Variants in RPGRIP1L observed in about 807,000 individuals in gnomAD.
RPGRIP1L encodes RPGRIP1 like.
RPGRIP1L carries 131 observed loss-of-function variants against 160.4 expected under a neutral mutation model. The ratio of observed to expected loss-of-function variants is 0.82; its 90% CI spans 0.71 to 0.94. RPGRIP1L has a LOEUF of 0.94. Ranked by LOEUF, RPGRIP1L falls within the 40% of genes least tolerant of loss-of-function variation. The probability of loss-of-function intolerance (pLI) is 0.00; values close to 1 mark genes in which losing one functional copy is unlikely to be tolerated. For missense variants in RPGRIP1L, 1,522 were observed against 1,535.8 expected, an observed-to-expected ratio of 0.99 and a Z score of 0.15; for synonymous variants, 510 against 515.8, an observed-to-expected ratio of 0.99 and a Z score of 0.15.
intron 1 of RPGRIP1L, among the ~76,000 whole-genome samples, chr16:53,702,687 CTT>C (rs576871805): frequency 2.8e-4 from 39 of 141,528 alleles, no homozygotes; most frequent in Admixed American, 2.8e-4. Flanking sequence ...CTTTTCTTTT[CTT>C]TTTTTTTTTT....
intron 15 of RPGRIP1L, among the ~76,000 whole-genome samples, chr16:53,651,633 C>T (rs966272844): frequency 1.3e-5 from 2 of 152,152 alleles, no homozygotes; most frequent in African/African-American, 4.8e-5. Flanking sequence ...TCCCTGGATC[C>T]TGGCATGGAT....
intron 17 of RPGRIP1L, among the ~76,000 whole-genome samples, chr16:53,643,305 C>T (rs1311986308): frequency 7.9e-6 from 1 of 125,908 alleles, no homozygotes; most frequent in Non-Finnish European, 1.6e-5. Flanking sequence ...AAGACTCCAT[C>T]TAAAAAAAAA....
intron 24 of RPGRIP1L, among the ~76,000 whole-genome samples, chr16:53,612,821 T>G (rs1033625398): frequency 6.6e-6 from 1 of 152,216 alleles, no homozygotes; most frequent in Non-Finnish European, 1.5e-5. Context: ...ATCTACATAT[T>G]GTGGTACAAT....
At chr16:53,624,456 A>T (rs146266080) in intron 22 of RPGRIP1L, among the ~76,000 whole-genome samples, 1 of 151,998 alleles carries the variant, frequency 6.6e-6, no homozygotes, top group African/African-American at 2.4e-5. Flanking sequence ...AGGCAGAAGA[A>T]TCACTTGAAC....
At chr16:53,689,664 C>T (rs1211943307) in intron 4 of RPGRIP1L, among the ~76,000 whole-genome samples, 1 of 152,140 alleles carries the variant, frequency 6.6e-6, no homozygotes, top group African/African-American at 2.4e-5. Context: ...GGTTCTTAGC[C>T]AGCCATCCCA....
Position 53,629,695 on chromosome 16 carries a change from A to C in RPGRIP1L, c.3294+6744T>G, listed in dbSNP as rs1965397302. Among the ~76,000 whole-genome samples, 7 of 152,240 alleles carry C rather than the reference A, an allele frequency of 4.6e-5. No individual in the cohort carries two copies. The South Asian group carries it at 1.4e-3, about 32-fold the overall frequency. On this transcript the variant is annotated intron_variant, in intron 22 of 26. Coordinates refer to ENST00000647211, the MANE Select transcript of RPGRIP1L (RefSeq NM_015272.5). Reference sequence around the variant, plus strand: ...ATAAATTACCAAATGTCAAATATGAAAGTTCCTTGTTTCATTCTACCACCT... The same window carrying C: ...ATAAATTACCAAATGTCAAATATGACAGTTCCTTGTTTCATTCTACCACCT...
At chr16:53,638,432 C>G in intron 19 of RPGRIP1L, 21 bp from the exon 20 acceptor site, 1 of 1,221,004 alleles carries the variant, frequency 8.2e-7, no homozygotes, top group Non-Finnish European at 1.2e-6. Flanking sequence ...TGTGAAAACA[C>G]GCATGTATGT....
At chr16:53,654,595 C>T in intron 14 of RPGRIP1L, among the ~76,000 whole-genome samples, 1 of 152,128 alleles carries the variant, frequency 6.6e-6, no homozygotes, top group African/African-American at 2.4e-5. Context: ...TAAAACATAA[C>T]CATTTATTTA....
chr16:53,652,064 A>G (rs1341578850), intron 15 of RPGRIP1L, among the ~76,000 whole-genome samples: 1 of 151,750 alleles, frequency 6.6e-6, no homozygotes, highest in African/African-American at 2.4e-5. Flanking sequence ...CATTGTACTG[A>G]CATCATCAAT....
intron 6 of RPGRIP1L, among the ~76,000 whole-genome samples, chr16:53,681,446 C>T (rs916471518): frequency 4.6e-5 from 7 of 151,974 alleles, no homozygotes; most frequent in East Asian, 1.9e-4. Context: ...TAATTTAAGA[C>T]GGCCTTTTTA....
rs546980836 is a variant in RPGRIP1L at position 53,696,860 on chromosome 16, T to C, written c.86-565A>G. ...AAATTTTAAGAACGTTTATACTCTTTAGCATGTGTTTATGATTTCTTTTTA... is the reference window on the plus strand; with the variant it reads ...AAATTTTAAGAACGTTTATACTCTTCAGCATGTGTTTATGATTTCTTTTTA... On this transcript the variant is annotated intron_variant, in intron 2 of 26. Transcript: ENST00000647211. Among the ~76,000 whole-genome samples, 8 of 152,332 alleles carry C rather than the reference T, an allele frequency of 5.3e-5. No homozygotes were observed. The East Asian group carries it at 1.5e-3, about 29-fold the overall frequency.
chr16:53,645,924 G>A lies in RPGRIP1L; in HGVS notation c.2384C>T (p.Thr795Ile), dbSNP rs757738089. 1.2e-6 allele frequency: 2 copies of A among 1,613,986 alleles called. No homozygotes were observed. The highest frequency in any genetic ancestry group is 2.7e-5 in the African/African-American group (2 of 74,902). Residue 795 changes from threonine to isoleucine, a missense_variant, in exon 17 of 27, where the codon ACA becomes ATA. Coordinates refer to ENST00000647211, the MANE Select transcript of RPGRIP1L (RefSeq NM_015272.5). Reference sequence around the variant, plus strand: ...CTGCAGGTGGTTGCAACATCTTATTGTAATGTGAAGTTCATTTAAGTTGCC... The same window carrying A: ...CTGCAGGTGGTTGCAACATCTTATTATAATGTGAAGTTCATTTAAGTTGCC... ...TDGNLNELHITIRCCNHLQSR... is the reference protein window; with the variant it reads ...TDGNLNELHIIIRCCNHLQSR...
intron 15 of RPGRIP1L, among the ~76,000 whole-genome samples, chr16:53,651,517 C>G (rs1966853161): frequency 6.6e-6 from 1 of 152,162 alleles, no homozygotes; most frequent in Non-Finnish European, 1.5e-5. Flanking sequence ...TCACTTGAAT[C>G]CCCCCTTTGC....
chr16:53,623,586 T>C (rs1450704233), intron 22 of RPGRIP1L, among the ~76,000 whole-genome samples: 1 of 152,240 alleles, frequency 6.6e-6, no homozygotes, highest in Non-Finnish European at 1.5e-5. Flanking sequence ...ATTTATTGTG[T>C]GAAATCTTTT....
chr16:53,670,012 G>T (rs987877822), intron 9 of RPGRIP1L, among the ~76,000 whole-genome samples: 1 of 152,088 alleles, frequency 6.6e-6, no homozygotes, highest in Admixed American at 6.6e-5. Context: ...ATAGGGTACT[G>T]TGCAATTTGT....
chr16:53,627,604 C>T (rs1965264436), intron 22 of RPGRIP1L, among the ~76,000 whole-genome samples: 1 of 152,172 alleles, frequency 6.6e-6, no homozygotes, highest in South Asian at 2.1e-4. Flanking sequence ...TTGGTTGTAT[C>T]ATTCCCAAAC....
chr16:53,645,704 A>G lies in RPGRIP1L; in HGVS notation c.2604T>C (p.Asp868=), dbSNP rs1567829935. The part of the protein sequence containing the change: ...SESLSFYVFD[D]SDTQENIYIG... ...TGTAAATATTCTCCTGGGTATCACT[A>G]TCATCAAAAACATAAAAACTCAGAG... The change falls in exon 17 of 27, where the codon GAT becomes GAC. Residue 868 remains aspartate, a synonymous_variant. Coordinates refer to ENST00000647211, the MANE Select transcript of RPGRIP1L (RefSeq NM_015272.5). 6.2e-7 allele frequency: 1 copy of G among 1,614,090 alleles called. No homozygotes were observed. Among genetic ancestry groups the G allele is most frequent in the South Asian group, 1.1e-5 (1 of 91,072 alleles).
chr16:53,684,427 G>C (rs1969839410), intron 6 of RPGRIP1L, among the ~76,000 whole-genome samples: 1 of 152,142 alleles, frequency 6.6e-6, no homozygotes, highest in African/African-American at 2.4e-5. Flanking sequence ...AAAATGATGA[G>C]TTCATGTCCT....
In RPGRIP1L at chr16:53,606,415, A is replaced by T. The variant is rs940498755; in HGVS notation, c.3702-801T>A. On this transcript the variant is annotated intron_variant, in intron 25 of 26. Transcript: ENST00000647211. ...ATTTTAAACTTTTCAAAATGTATCC[A>T]TCCCAAATCAGAAACAAAACAAGAA... Among the ~76,000 whole-genome samples, 9 of 152,334 alleles carry T rather than the reference A, an allele frequency of 5.9e-5. No individual in the cohort carries two copies. In the South Asian group the frequency reaches 1.7e-3, roughly 28 times the overall value.
Sources: allele counts gnomAD v4.1 joint callset (sites outside exome capture counted in the v4.1 genomes callset), GRCh38; gene constraint gnomAD v4.1.1; transcripts MANE v1.5; gene names NCBI Gene and HGNC (gene_info 2026-07-23, HGNC 2026-07-21).